STARD13: variants seen among roughly 807,000 people sequenced by gnomAD.
STARD13 encodes stAR-related lipid transfer protein 13.
A neutral mutation model predicts 106.4 loss-of-function variants in STARD13; 62 were observed. The observed-to-expected ratio is 0.58, with a 90% CI of 0.48 to 0.72. The LOEUF (loss-of-function observed/expected upper bound fraction) is 0.72, where lower values mean the gene tolerates loss of function less well. Ranked by LOEUF, STARD13 falls within the 30% of genes least tolerant of loss-of-function variation. The pLI, the probability that STARD13 is intolerant of heterozygous loss-of-function variation, is 0.00. For synonymous variants in STARD13, 565 were observed against 553.0 expected, an observed-to-expected ratio of 1.02 and a Z score of -0.31; for missense variants, 1,387 against 1,424.0, an observed-to-expected ratio of 0.97 and a Z score of 0.42.
intron 1 of STARD13, among the ~76,000 whole-genome samples, chr13:33,201,690 G>A (rs1206336321): frequency 6.6e-6 from 1 of 152,110 alleles, no homozygotes; most frequent in African/African-American, 2.4e-5. Context: ...TTATTGTTCT[G>A]TCAAAGAATT....
intron 1 of STARD13, among the ~76,000 whole-genome samples, chr13:33,214,674 GCAGATACACA>G (rs1295254863): frequency 1.4e-5 from 2 of 141,070 alleles, no homozygotes; most frequent in Admixed American, 7.4e-5. Context: ...ACACACACAT[GCAGATACACA>G]CACACATGCA....
chr13:33,570,556 T>C, the STARD13 span, among the ~76,000 whole-genome samples: 1 of 148,206 alleles, frequency 6.7e-6, no homozygotes, highest in Non-Finnish European at 1.5e-5. Flanking sequence ...CGCTAACAAC[T>C]CACTACTAGG....
the STARD13 span, among the ~76,000 whole-genome samples, chr13:33,573,336 A>G: frequency 6.6e-6 from 1 of 152,238 alleles, no homozygotes; most frequent in African/African-American, 2.4e-5. Context: ...AGTATCTGAT[A>G]TCGTACATAC....
chr13:33,478,316 T>C, the STARD13 span, among the ~76,000 whole-genome samples: 3 of 152,198 alleles, frequency 2.0e-5, no homozygotes, highest in East Asian at 1.9e-4. Flanking sequence ...GAAGTCATAT[T>C]GTTTTTCCTG....
chr13:33,262,662 A>AACACACAC (rs1555254805), intron 1 of STARD13, among the ~76,000 whole-genome samples: 36 of 114,980 alleles, frequency 3.1e-4, no homozygotes, highest in African/African-American at 7.5e-4. Flanking sequence ...ACACACACAC[A>AACACACAC]ACACACACAC....
At chr13:33,112,583 T>TA in intron 9 of STARD13, 138 bp downstream of exon 9, 1 of 706,804 alleles carries the variant, frequency 1.4e-6, no homozygotes, top group South Asian at 2.2e-5. Flanking sequence ...TTGATCTATC[T>TA]ACCTACCTAT....
the STARD13 span, among the ~76,000 whole-genome samples, chr13:33,626,721 T>A: frequency 6.6e-6 from 1 of 152,184 alleles, no homozygotes; most frequent in Non-Finnish European, 1.5e-5. Flanking sequence ...TTGCAAGTGG[T>A]GCTATATGCC....
chr13:33,415,594 A>T, the STARD13 span, among the ~76,000 whole-genome samples: 1 of 152,238 alleles, frequency 6.6e-6, no homozygotes, highest in African/African-American at 2.4e-5. Context: ...AGCTTTGAAA[A>T]AGTGTCTTCC....
chr13:33,287,640 C>T (rs1353081190), upstream of STARD13, among the ~76,000 whole-genome samples: 2 of 152,164 alleles, frequency 1.3e-5, no homozygotes, highest in East Asian at 1.9e-4. Context: ...GCAAAGTTGG[C>T]TGCCTGGAAG....
chr13:33,341,717 C>T (rs73480115), intron 1 of STARD13, among the ~76,000 whole-genome samples: 4,496 of 152,162 alleles, frequency 0.03, 222 homozygotes, highest in African/African-American at 0.1. Context: ...TCAAGGAGGA[C>T]GCTGTATTGC....
chr13:33,574,882 A>G, the STARD13 span, among the ~76,000 whole-genome samples: 2 of 150,378 alleles, frequency 1.3e-5, no homozygotes, highest in Non-Finnish European at 3.0e-5. Flanking sequence ...TCAACCTAAA[A>G]TCAGTTTCAC....
chr13:33,328,105 T>C (rs1224771852), intron 1 of STARD13, among the ~76,000 whole-genome samples: 1 of 152,250 alleles, frequency 6.6e-6, no homozygotes, highest in African/African-American at 2.4e-5. Context: ...CACAGGGTTC[T>C]TGAATTAATA....
the STARD13 span, among the ~76,000 whole-genome samples, chr13:33,655,322 G>A: frequency 6.6e-6 from 1 of 152,172 alleles, no homozygotes; most frequent in Non-Finnish European, 1.5e-5. Flanking sequence ...TCCTTCAGAG[G>A]AAAAATATAA....
At chr13:33,508,734 C>T in the STARD13 span, among the ~76,000 whole-genome samples, 2 of 152,170 alleles carry the variant, frequency 1.3e-5, no homozygotes, top group African/African-American at 4.8e-5. Context: ...TGTATCAGAA[C>T]TCAAATCATA....
At chr13:33,548,650 C>T in the STARD13 span, among the ~76,000 whole-genome samples, 6 of 152,008 alleles carry the variant, frequency 3.9e-5, no homozygotes, top group African/African-American at 1.5e-4. Context: ...TCCAGGAATG[C>T]TTAAGAAGAT....
At chr13:33,664,655 C>A in the STARD13 span, among the ~76,000 whole-genome samples, 1 of 152,198 alleles carries the variant, frequency 6.6e-6, no homozygotes, top group Non-Finnish European at 1.5e-5. Flanking sequence ...GAGATGGAGT[C>A]TCGGTCTGTT....
chr13:33,527,359 T>A, the STARD13 span, among the ~76,000 whole-genome samples: 2 of 152,084 alleles, frequency 1.3e-5, no homozygotes, highest in African/African-American at 4.8e-5. Flanking sequence ...AGTCATTCTG[T>A]AAGGTTGCTA....
At chr13:33,156,076 C>T (rs1361027491) in intron 3 of STARD13, among the ~76,000 whole-genome samples, 1 of 152,208 alleles carries the variant, frequency 6.6e-6, no homozygotes, top group African/African-American at 2.4e-5. Flanking sequence ...CCCCCATTAC[C>T]ATAAAATTTC....
At chr13:33,330,535 T>C (rs946942764) in intron 1 of STARD13, among the ~76,000 whole-genome samples, 3 of 152,190 alleles carry the variant, frequency 2.0e-5, no homozygotes, top group African/African-American at 7.2e-5. Flanking sequence ...CTCTTTGAAA[T>C]CTTGCATAAA....
Sources: allele counts gnomAD v4.1 joint callset (sites outside exome capture counted in the v4.1 genomes callset), GRCh38; gene constraint gnomAD v4.1.1; transcripts MANE v1.5; gene names NCBI Gene and HGNC (gene_info 2026-07-23, HGNC 2026-07-21).